The following CDH26 variants were observed in gnomAD, a reference collection of about 807,000 sequenced individuals.
CDH26 encodes cadherin 26, also known as cadherin-like protein 26.
A neutral mutation model predicts 90.3 loss-of-function variants in CDH26; 83 were observed. The ratio of observed to expected loss-of-function variants is 0.92; its 90% confidence interval spans 0.77 to 1.10. The LOEUF (loss-of-function observed/expected upper bound fraction) is 1.10. CDH26 is among the 50% of genes least tolerant of loss of function. The pLI, the probability that CDH26 is intolerant of heterozygous loss-of-function variation, is 0.00. For missense variants in CDH26, 1,013 were observed against 1,037.6 expected (o/e 0.98, Z 0.33); for synonymous variants, 397 against 396.3 (o/e 1.00, Z -0.02).
intron 8 of CDH26, among the ~76,000 whole-genome samples, chr20:59,988,690 C>G (rs1182413438): frequency 6.6e-6 from 1 of 151,804 alleles, no homozygotes; most frequent in East Asian, 1.9e-4. Flanking sequence ...TTTCAACCAG[C>G]AGAGGAGGAG....
intron 1 of CDH26, among the ~76,000 whole-genome samples, chr20:59,966,154 A>G (rs926026622): frequency 1.3e-5 from 2 of 151,358 alleles, no homozygotes; most frequent in African/African-American, 2.4e-5. Context: ...TTCATCATCA[A>G]GGAACCGTAT....
At chr20:60,010,121 G>C (rs2061811579) in intron 17 of CDH26, among the ~76,000 whole-genome samples, 1 of 151,988 alleles carries the variant, frequency 6.6e-6, no homozygotes, top group African/African-American at 2.4e-5. Context: ...CACTAAACAA[G>C]GGCCCAGGCA....
At chr20:60,025,977 A>T (rs1386442636) in intron 7 of CDH26, among the ~76,000 whole-genome samples, 1 of 152,194 alleles carries the variant, frequency 6.6e-6, no homozygotes, top group African/African-American at 2.4e-5. Context: ...TGTGCTGGAC[A>T]CTATTTCATT....
intron 4 of CDH26, among the ~76,000 whole-genome samples, chr20:59,977,673 C>T (rs1335820892): frequency 2.1e-5 from 3 of 141,192 alleles, no homozygotes; most frequent in Non-Finnish European, 3.0e-5. Context: ...CTCCCCCTAC[C>T]CCCTCCCTTC....
chr20:59,989,281 C>T (rs2061497732), intron 9 of CDH26, 118 bp downstream of exon 9: 16 of 1,353,008 alleles, frequency 1.2e-5, no homozygotes, highest in Middle Eastern at 2.6e-4. Context: ...GTAATCCCAG[C>T]GCTTTGGGAG....
chr20:60,033,854 C>G, exon 9 of CDH26: 1 of 936,726 alleles, frequency 1.1e-6, no homozygotes, highest in Non-Finnish European at 1.3e-6. Flanking sequence ...AATAACTTTT[C>G]CTCTGCAAAC....
At chr20:60,005,478 C>A (rs1188892182) in intron 16 of CDH26, among the ~76,000 whole-genome samples, 4 of 147,606 alleles carry the variant, frequency 2.7e-5, no homozygotes, top group African/African-American at 5.3e-5. Context: ...GTGTATATAT[C>A]TGTATGTATG....
At chr20:59,988,850 C>T (rs2061489597) in intron 8 of CDH26, 54 bp from the exon 9 acceptor site, 1 of 1,593,758 alleles carries the variant, frequency 6.3e-7, no homozygotes, top group African/African-American at 1.3e-5. Flanking sequence ...CGCTGGGCTT[C>T]CTCTGGCCAG....
chr20:59,963,885 T>G (rs565163846), intron 1 of CDH26, among the ~76,000 whole-genome samples: 99 of 151,514 alleles, frequency 6.5e-4, no homozygotes, highest in African/African-American at 1.9e-3. Context: ...CTTTCCTCAC[T>G]GTCCAATTTC....
At chr20:60,006,037 T>G (rs771003225) in intron 16 of CDH26, among the ~76,000 whole-genome samples, 12 of 152,214 alleles carry the variant, frequency 7.9e-5, no homozygotes, top group Non-Finnish European at 1.6e-4. Flanking sequence ...TGCTCTCAAC[T>G]GGGTGAGATC....
In CDH26 at chr20:59,996,734, T is replaced by A; in HGVS notation, c.1992T>A (p.Asn664Lys). The A allele has an allele frequency of 1.2e-6, 2 of 1,614,248 alleles. No individual in the cohort carries two copies. Among genetic ancestry groups the A allele is most frequent in the Non-Finnish European group, 1.7e-6 (2 of 1,180,048 alleles). The part of the protein sequence containing the change: ...DEGHQTLVMY[N>K]AESKGTSAQT... ...GCCACCAAACACTGGTCATGTATAATGCGGAGAGCAAAGGCACTTCAGCCC... is the reference window on the plus strand; with the variant it reads ...GCCACCAAACACTGGTCATGTATAAAGCGGAGAGCAAAGGCACTTCAGCCC... The change falls in exon 13 of 18, where the codon AAT becomes AAA. Residue 664 changes from asparagine (N) to lysine (K), a missense_variant. Physicochemically the swap from Asn to Lys is moderately conservative, Grantham distance 94. Transcript: ENST00000348616.
At chr20:60,012,417 C>A (rs976349437) in intron 17 of CDH26, 110 bp from the exon 18 acceptor site, 26 of 984,382 alleles carry the variant, frequency 2.6e-5, no homozygotes, top group Non-Finnish European at 3.9e-5. Context: ...GACACGGGGC[C>A]TGAGTGCTGT....
intron 6 of CDH26, 45 bp downstream of exon 6, chr20:59,984,850 A>G (rs768519489): frequency 6.3e-7 from 1 of 1,582,312 alleles, no homozygotes. Flanking sequence ...TGTGTGGCCC[A>G]TCCTTGAGCC....
intron 11 of CDH26, 91 bp downstream of exon 11, chr20:59,994,580 A>T (rs1175949217): frequency 6.7e-7 from 1 of 1,496,024 alleles, no homozygotes; most frequent in East Asian, 2.4e-5. Flanking sequence ...TTATTAGCTT[A>T]AAAAACCGGA....
In CDH26 at chr20:59,994,254, C is replaced by T. The variant is rs753730340; in HGVS notation, c.1431C>T (p.Phe477=). 2.5e-6 allele frequency: 4 copies of T among 1,613,774 alleles called. No individual in the cohort carries two copies. Among genetic ancestry groups the T allele is most frequent in the South Asian group, 1.1e-5 (1 of 91,012 alleles). The stretch of plus-strand genomic sequence containing the variant: ...GAAACTTCCTCCCCATACAAGGCTT[C>T]CCACCGCAGACTGCTACAGGGACCC... ...VIIIHAVDDG[F]PPQTATGTLM... is the part of the protein sequence containing the mutation. The change falls in exon 11 of 18, where the codon TTC becomes TTT. Residue 477 remains phenylalanine, a synonymous_variant. Coordinates refer to ENST00000348616, the MANE Select transcript of CDH26 (RefSeq NM_177980.4).
intron 4 of CDH26, among the ~76,000 whole-genome samples, chr20:59,981,386 A>G (rs1020152923): frequency 2.4e-4 from 36 of 152,128 alleles, no homozygotes; most frequent in Non-Finnish European, 1.0e-4. Context: ...TTTTCATTCA[A>G]TTAGGTCTTC....
rs1555892536 is a variant in CDH26, at chr20:59,958,755, C to CGCTGCTGCTGCTTCTAGT, written c.40_57dup (p.Leu14_Leu19dup). ...GCCATGAGATCCGGGAGGCACCCCT[C>CGCTGCTGCTGCTTCTAGT]GCTGCTGCTGCTTCTAGTGCTGCTG... is the stretch of plus-strand genomic sequence containing the variant. On this transcript the variant is annotated inframe_insertion, in exon 1 of 18. Coordinates refer to ENST00000348616, the MANE Select transcript of CDH26 (RefSeq NM_177980.4). 6 of 1,614,032 alleles carry CGCTGCTGCTGCTTCTAGT rather than the reference C, an allele frequency of 3.7e-6. No homozygotes were observed. The highest frequency in any genetic ancestry group is 1.6e-4 in the Middle Eastern group (1 of 6,084).
chr20:59,981,937 T>TA (rs929487398), intron 4 of CDH26, among the ~76,000 whole-genome samples: 9 of 152,046 alleles, frequency 5.9e-5, no homozygotes, highest in Non-Finnish European at 1.2e-4. Flanking sequence ...AATTTCACTT[T>TA]AAAAAAATAT....
chr20:59,979,285 A>G (rs2061365440), intron 4 of CDH26, among the ~76,000 whole-genome samples: 1 of 145,598 alleles, frequency 6.9e-6, no homozygotes, highest in Non-Finnish European at 1.5e-5. Context: ...TGCAACCTCC[A>G]TCTCCCAGGT....
Sources: gnomAD v4.1 joint callset for allele counts (sites outside exome capture counted in the v4.1 genomes callset) on GRCh38, gnomAD v4.1.1 for gene constraint, MANE v1.5 for transcripts, NCBI Gene and HGNC (gene_info 2026-07-23, HGNC 2026-07-21) for gene names.